Variants in FRMD4A observed in about 807,000 individuals in gnomAD.
The protein encoded by FRMD4A is FERM domain containing 4A.
A neutral mutation model predicts 129.1 loss-of-function variants in FRMD4A; 29 were observed. The ratio of observed to expected loss-of-function variants is 0.22; its 90% CI spans 0.17 to 0.31. The LOEUF (loss-of-function observed/expected upper bound fraction) is 0.31, where lower values mean the gene tolerates loss of function less well. Ranked by LOEUF, FRMD4A falls within the 10% of genes least tolerant of loss-of-function variation. The pLI is 1.00. For synonymous variants in FRMD4A, 634 were observed against 571.6 expected, an observed-to-expected ratio of 1.11 and a Z score of -1.56; for missense variants, 1,272 against 1,375.8, an observed-to-expected ratio of 0.92 and a Z score of 1.19.
chr10:14,133,410 C>T (rs1839369681), intron 2 of FRMD4A, among the ~76,000 whole-genome samples: 2 of 152,180 alleles, frequency 1.3e-5, no homozygotes, highest in Middle Eastern at 3.2e-3. Context: ...TGGTGTCTGG[C>T]CATATGTTTT....
At chr10:13,704,437 G>C (rs1455609110) in intron 13 of FRMD4A, among the ~76,000 whole-genome samples, 1 of 152,034 alleles carries the variant, frequency 6.6e-6, no homozygotes, top group African/African-American at 2.4e-5. Flanking sequence ...CCTCCAGCCA[G>C]ACCCTCCCTC....
At chr10:13,972,382 G>A (rs2095523634) in intron 2 of FRMD4A, 15 of 921,324 alleles carry the variant, frequency 1.6e-5, no homozygotes, top group Non-Finnish European at 1.9e-5. Flanking sequence ...CTATTTCTGT[G>A]GGCAATTTGT....
At chr10:14,285,363 T>C (rs1473119115) in intron 2 of FRMD4A, among the ~76,000 whole-genome samples, 2 of 152,222 alleles carry the variant, frequency 1.3e-5, no homozygotes, top group African/African-American at 4.8e-5. Context: ...AGAGAAAAGA[T>C]GCAGGTGAAA....
intron 2 of FRMD4A, among the ~76,000 whole-genome samples, chr10:14,176,928 C>G (rs1841749870): frequency 6.6e-6 from 1 of 152,160 alleles, no homozygotes; most frequent in African/African-American, 2.4e-5. Flanking sequence ...GGCCCTGAAC[C>G]ATTAAAACGA....
intron 6 of FRMD4A, among the ~76,000 whole-genome samples, chr10:13,774,863 G>A (rs2092558372): frequency 6.6e-6 from 1 of 151,630 alleles, no homozygotes; most frequent in Non-Finnish European, 1.5e-5. Context: ...TATTATCAGA[G>A]TGATAAGAGA....
chr10:14,302,066 G>A lies in FRMD4A; in HGVS notation c.45+27992C>T, dbSNP rs144781635. 1.5e-3 allele frequency among the ~76,000 whole-genome samples: 221 copies of A among 152,286 alleles called. 2 individuals carry two copies. Among genetic ancestry groups the A allele is most frequent in the African/African-American group, 4.9e-3 (203 of 41,564 alleles). ...AAATAGCTATGGAATAAATCCCATCGTAATGGAAAGGGTTTGATTTTTGTA... is the reference window on the plus strand; with the variant it reads ...AAATAGCTATGGAATAAATCCCATCATAATGGAAAGGGTTTGATTTTTGTA... On this transcript the variant is annotated intron_variant, in intron 2 of 24. Coordinates refer to ENST00000357447, the MANE Select transcript of FRMD4A (RefSeq NM_018027.5).
chr10:14,134,516 T>G (rs567493770), intron 2 of FRMD4A, among the ~76,000 whole-genome samples: 6 of 147,666 alleles, frequency 4.1e-5, no homozygotes, highest in African/African-American at 1.3e-4. Context: ...GTTGGAGGGA[T>G]GGAGGGATGG....
chr10:13,655,604 C>G, intron 22 of FRMD4A: 1 of 150,910 alleles, frequency 6.6e-6, no homozygotes, highest in East Asian at 2.0e-4. Context: ...CTAGGGCATC[C>G]AGGTTCTTCC....
At chr10:13,817,931 A>T (rs1356636706) in intron 3 of FRMD4A, among the ~76,000 whole-genome samples, 1 of 152,210 alleles carries the variant, frequency 6.6e-6, no homozygotes, top group African/African-American at 2.4e-5. Context: ...TTCCTCACAG[A>T]ATACTATATT....
rs557184144 is a variant in FRMD4A at position 14,023,927 on chromosome 10, G to C, written c.46-165015C>G. 4.7e-5 allele frequency among the ~76,000 whole-genome samples: 7 copies of C among 149,972 alleles called. No individual in the cohort carries two copies. The South Asian group carries it at 1.5e-3, about 33-fold the overall frequency. ...CAGTGAAGTTCATGCTTCTATCCTA[G>C]ATTCAGCATCCTCTAAAAAAAAAAT... On this transcript the variant is annotated intron_variant, in intron 2 of 24. Transcript: ENST00000357447.
chr10:13,890,860 T>C (rs1389521980), intron 2 of FRMD4A: 11 of 985,174 alleles, frequency 1.1e-5, no homozygotes, highest in Non-Finnish European at 1.2e-5. Flanking sequence ...GAGCTATTAT[T>C]AGCACAGCCA....
chr10:14,043,126 T>A (rs1373395395), intron 2 of FRMD4A, among the ~76,000 whole-genome samples: 1 of 152,024 alleles, frequency 6.6e-6, no homozygotes, highest in African/African-American at 2.4e-5. Flanking sequence ...TTTTAAAGCA[T>A]CCTTTTACTT....
chr10:13,891,917 G>T (rs2094702974), intron 2 of FRMD4A, among the ~76,000 whole-genome samples: 1 of 146,726 alleles, frequency 6.8e-6, no homozygotes, highest in Non-Finnish European at 1.5e-5. Context: ...CGCCCAGCGC[G>T]CCCCGAGCCA....
chr10:14,192,440 A>T (rs1460609124), intron 2 of FRMD4A, among the ~76,000 whole-genome samples: 1 of 152,252 alleles, frequency 6.6e-6, no homozygotes, highest in Non-Finnish European at 1.5e-5. Context: ...ATACATTCAC[A>T]TAACAAAACT....
Position 13,666,195 on chromosome 10 carries a change from T to G in FRMD4A, c.1505A>C (p.Asn502Thr). Reference sequence around the variant, plus strand: ...AATCTCCTGCAGTTTCTTCAGTGCATTCAGATACGAGGTTTTCCTTTGTTT... The same window carrying G: ...AATCTCCTGCAGTTTCTTCAGTGCAGTCAGATACGAGGTTTTCCTTTGTTT... ...LKKQRKTSYL[N>T]ALKKLQEIEN... The change falls in exon 18 of 25, where the codon AAT (asparagine) becomes ACT (threonine). Residue 502 changes from asparagine (N) to threonine (T), a missense_variant. Physicochemically the swap from Asn to Thr is moderately conservative, Grantham distance 65. This residue lies in a region of FRMD4A where 972 missense variants were observed against 892.3 expected (regional missense o/e 1.09). Transcript: ENST00000357447. 6.2e-7 allele frequency: 1 copy of G among 1,613,466 alleles called. No individual in the cohort carries two copies. Among genetic ancestry groups the G allele is most frequent in the Non-Finnish European group, 8.5e-7 (1 of 1,179,364 alleles).
intron 22 of FRMD4A, chr10:13,655,121 A>G (rs1295318322): frequency 1.3e-5 from 2 of 152,360 alleles, no homozygotes; most frequent in African/African-American, 4.8e-5. Flanking sequence ...TGTAGGCAGC[A>G]TGGAAGTCCA....
intron 24 of FRMD4A, chr10:13,649,315 T>C (rs1414518953): frequency 1.5e-5 from 2 of 130,268 alleles, no homozygotes; most frequent in Non-Finnish European, 3.7e-5. Flanking sequence ...AGGTTAAGGG[T>C]TCCTGTGGTG....
intron 2 of FRMD4A, among the ~76,000 whole-genome samples, chr10:13,983,143 T>C (rs2095568162): frequency 6.6e-6 from 1 of 152,120 alleles, no homozygotes; most frequent in African/African-American, 2.4e-5. Flanking sequence ...GTATTTTTAG[T>C]GGAGATGAGG....
At chr10:14,213,914 G>T (rs755226044) in intron 2 of FRMD4A, among the ~76,000 whole-genome samples, 1 of 152,130 alleles carries the variant, frequency 6.6e-6, no homozygotes, top group East Asian at 1.9e-4. Flanking sequence ...CTTGGGTTTC[G>T]TTCTCTCTTA....
Sources: gnomAD v4.1 joint callset for allele counts (sites outside exome capture counted in the v4.1 genomes callset) on GRCh38, gnomAD v4.1.1 for gene constraint, gnomAD v4.1.1 regional missense constraint, MANE v1.5 for transcripts, NCBI Gene and HGNC (gene_info 2026-07-23, HGNC 2026-07-21) for gene names.